MRPL52: variants seen among roughly 807,000 people sequenced by gnomAD.
The protein encoded by MRPL52 is large ribosomal subunit protein mL52.
A neutral mutation model predicts 22.1 loss-of-function variants in MRPL52; 19 were observed. The ratio of observed to expected loss-of-function variants is 0.86; its 90% CI spans 0.60 to 1.26. The LOEUF is 1.26. MRPL52 is among the 50% of genes most tolerant of loss of function. MRPL52 has a pLI of 0.00. For synonymous variants in MRPL52, 50 were observed against 57.5 expected, an observed-to-expected ratio of 0.87 and a Z score of 0.59; for missense variants, 152 against 148.1, an observed-to-expected ratio of 1.03 and a Z score of -0.14.
In MRPL52 at chr14:22,834,401, T is replaced by G. The variant is rs1242223852; in HGVS notation, c.*80T>G. On this transcript the variant is annotated 3_prime_UTR_variant, in exon 5 of 5. Transcript: ENST00000397496. ...CTAGATGCTTCATCCAGCCAGAAGA[T>G]AGCCTTCACGTTCCCCATCTGTCTT... 2.7e-6 allele frequency: 4 copies of G among 1,455,368 alleles called. No homozygotes were observed. Among genetic ancestry groups the G allele is most frequent in the Non-Finnish European group, 3.7e-6 (4 of 1,089,704 alleles). 90.2% of individuals were successfully genotyped at this position (1,455,368 alleles called of 1,614,324 possible).
At chr14:22,830,912 T>A in intron 3 of MRPL52, 13 of 1,304,418 alleles carry the variant, frequency 1.0e-5, no homozygotes, top group Non-Finnish European at 1.4e-5. Context: ...AGGCCAGTCC[T>A]CCTTGACAAC....
chr14:22,830,326 C>G lies in MRPL52; in HGVS notation c.154+72C>G, dbSNP rs1490123881. 2.0e-6 allele frequency: 3 copies of G among 1,526,986 alleles called. No homozygotes were observed. The African/African-American group carries it at 4.1e-5, about 21-fold the overall frequency. 94.6% of individuals were successfully genotyped at this position (1,526,986 alleles called of 1,614,324 possible). ...AGAGGGAACGCCCCTGGACGGGGAGCTGGGGGTATCAAGGTGGGGGCGTGT... is the reference window on the plus strand; with the variant it reads ...AGAGGGAACGCCCCTGGACGGGGAGGTGGGGGTATCAAGGTGGGGGCGTGT... On this transcript the variant is annotated intron_variant, in intron 3 of 4. Coordinates refer to ENST00000397496, the MANE Select transcript of MRPL52 (RefSeq NM_180982.3).
At chr14:22,831,106 C>CTTTTTGTTTTTTT (rs2039603844) in intron 3 of MRPL52, 1 of 140,980 alleles carries the variant, frequency 7.1e-6, no homozygotes, top group Non-Finnish European at 1.2e-5. Context: ...CATATGACTG[C>CTTTTTGTTTTTTT]TTTTTTTTTT....
intron 3 of MRPL52, among the ~76,000 whole-genome samples, chr14:22,832,417 T>C (rs1231412357): frequency 6.6e-6 from 1 of 152,076 alleles, no homozygotes; most frequent in Non-Finnish European, 1.5e-5. Flanking sequence ...CTTGGCTCAC[T>C]GCAAGCTCAG....
chr14:22,829,920 C>T lies in MRPL52; in HGVS notation c.8C>T (p.Ala3Val). MA[A>V]LGTVLFSVRR... ...CGGCTACTCCTGCTCAGCATGGCTG[C>T]TTTAGGGACTGTTCTCTTCAGTGAG... The change falls in exon 1 of 5, where the codon GCT (alanine) becomes GTT (valine). Residue 3 changes from alanine to valine, a missense_variant. Physicochemically the swap from Ala to Val is moderately conservative, Grantham distance 64. Transcript: ENST00000397496. 1.3e-6 allele frequency: 2 copies of T among 1,558,020 alleles called. No individual in the cohort carries two copies. The highest frequency in any genetic ancestry group is 1.1e-5 in the South Asian group (1 of 88,536).
chr14:22,831,454 G>A (rs4981443), intron 3 of MRPL52: 49,342 of 155,238 alleles, frequency 0.32, 8,128 homozygotes, highest in East Asian at 0.44. Context: ...TTCTCGCTAA[G>A]TTTGTGGTCT....
chr14:22,833,253 A>G, intron 3 of MRPL52, 165 bp from the exon 4 acceptor site: 2 of 596,944 alleles, frequency 3.4e-6, no homozygotes, highest in South Asian at 4.1e-5. Flanking sequence ...ATCGTACCTC[A>G]CCCTTGAAGA....
At chr14:22,830,871 C>T (rs1389632582) in intron 3 of MRPL52, 1 of 821,082 alleles carries the variant, frequency 1.2e-6, no homozygotes, top group African/African-American at 1.7e-5. Context: ...GATCATACAG[C>T]TAGGTAGTAG....
At chr14:22,831,106 C>CTTTTGT (rs2039603728) in intron 3 of MRPL52, 1 of 140,982 alleles carries the variant, frequency 7.1e-6, no homozygotes, top group Admixed American at 1.5e-4. Flanking sequence ...CATATGACTG[C>CTTTTGT]TTTTTTTTTT....
In MRPL52 at chr14:22,829,917, C is replaced by G. The variant is rs147747092; in HGVS notation, c.5C>G (p.Ala2Gly). The change falls in exon 1 of 5, where the codon GCT (alanine) becomes GGT (glycine). Residue 2 changes from alanine to glycine, a missense_variant. Physicochemically the swap from Ala to Gly is moderately conservative, Grantham distance 60 (BLOSUM62 0). Transcript: ENST00000397496. M[A>G]ALGTVLFSVR... ...CCCCGGCTACTCCTGCTCAGCATGG[C>G]TGCTTTAGGGACTGTTCTCTTCAGT... 3.8e-6 allele frequency: 6 copies of G among 1,570,786 alleles called. No individual in the cohort carries two copies. The Admixed American group carries it at 8.9e-5, about 23-fold the overall frequency.
chr14:22,831,049 G>A (rs1046555410), intron 3 of MRPL52: 44 of 1,444,262 alleles, frequency 3.0e-5, no homozygotes, highest in Middle Eastern at 3.5e-4. Flanking sequence ...TAAGAAGCCT[G>A]GCATCTCCTT....
Position 22,834,542 on chromosome 14 carries a change from T to G in MRPL52, c.*221T>G, listed in dbSNP as rs112118455. On this transcript the variant is annotated 3_prime_UTR_variant, in exon 5 of 5. Coordinates refer to ENST00000397496, the MANE Select transcript of MRPL52 (RefSeq NM_180982.3). Reference sequence around the variant, plus strand: ...GTTCAGCTAAGTCTTGCTTTAAAATTTTTACCTCCTAGCTGGGTGCGGTGG... The same window carrying G: ...GTTCAGCTAAGTCTTGCTTTAAAATGTTTACCTCCTAGCTGGGTGCGGTGG... 28 of 525,186 alleles carry G rather than the reference T, an allele frequency of 5.3e-5. No homozygotes were observed. The highest frequency in any genetic ancestry group is 5.1e-4 in the Middle Eastern group (1 of 1,960). The allele number at this position is 525,186 out of a possible 1,614,324, so 32.5% of individuals were successfully genotyped here.
At chr14:22,830,565 A>G (rs1359307662) in intron 3 of MRPL52, 1 of 450,552 alleles carries the variant, frequency 2.2e-6, no homozygotes, top group Non-Finnish European at 4.0e-6. Context: ...TTTTTAACCA[A>G]GAACCACTTT....
rs552531980 is a variant in MRPL52, at chr14:22,834,361, T to G, written c.*40T>G. The G allele has an allele frequency of 6.3e-7, 1 of 1,578,370 alleles. No individual in the cohort carries two copies. Among genetic ancestry groups the G allele is most frequent in the East Asian group, 2.3e-5 (1 of 44,288 alleles). On this transcript the variant is annotated 3_prime_UTR_variant, in exon 5 of 5. Coordinates refer to ENST00000397496, the MANE Select transcript of MRPL52 (RefSeq NM_180982.3). ...CTCCCTTCCTCACCCTGTCTCTGGATTTCTTTTCTATCACCTAGATGCTTC... is the reference window on the plus strand; with the variant it reads ...CTCCCTTCCTCACCCTGTCTCTGGAGTTCTTTTCTATCACCTAGATGCTTC...
rs56341631 is a variant in MRPL52 at position 22,834,847 on chromosome 14, CAA to C, written c.*540_*541del. ...TGGGCGACAGGGCGAGACTCCGTCTCAAAAAAAAAAAAAAATTTACCTCCTTT... is the reference window on the plus strand; with the variant it reads ...TGGGCGACAGGGCGAGACTCCGTCTCAAAAAAAAAAAAATTTACCTCCTTT... On this transcript the variant is annotated 3_prime_UTR_variant, in exon 5 of 5. Transcript: ENST00000397496. 2.2e-4 allele frequency: 30 copies of C among 138,544 alleles called. No homozygotes were observed. Among genetic ancestry groups the C allele is most frequent in the Middle Eastern group, 3.8e-3 (1 of 262 alleles). 8.6% of individuals were successfully genotyped at this position (138,544 alleles called of 1,614,324 possible).
intron 3 of MRPL52, chr14:22,830,882 C>A: frequency 1.0e-6 from 1 of 968,288 alleles, no homozygotes; most frequent in Non-Finnish European, 1.5e-6. Context: ...TAGGTAGTAG[C>A]AAATCCAGGA....
At chr14:22,831,456 T>C (rs1256991607) in intron 3 of MRPL52, 6 of 155,502 alleles carry the variant, frequency 3.9e-5, no homozygotes, top group African/African-American at 1.2e-4. Context: ...CTCGCTAAGT[T>C]TGTGGTCTTG....
At chr14:22,831,604 G>C (rs2039620682) in intron 3 of MRPL52, 1 of 152,152 alleles carries the variant, frequency 6.6e-6, no homozygotes, top group Non-Finnish European at 1.5e-5. Context: ...CCCCTTCCTG[G>C]TAAATAACAC....
intron 3 of MRPL52, 46 bp from the exon 4 acceptor site, chr14:22,833,372 G>A: frequency 1.6e-6 from 2 of 1,231,578 alleles, no homozygotes; most frequent in East Asian, 2.3e-5. Flanking sequence ...ACAAGGTGAT[G>A]CAGTCCATCT....
Sources: gnomAD v4.1 joint callset for allele counts (sites outside exome capture counted in the v4.1 genomes callset) on GRCh38, gnomAD v4.1.1 for gene constraint, MANE v1.5 for transcripts, NCBI Gene and HGNC (gene_info 2026-07-23, HGNC 2026-07-21) for gene names.